The following TCTN1 variants were observed in gnomAD, a reference collection of about 807,000 sequenced individuals.
The protein encoded by TCTN1 is tectonic-1.
A neutral mutation model predicts 65.8 loss-of-function variants in TCTN1; 58 were observed. The observed-to-expected ratio is 0.88, with a 90% CI of 0.71 to 1.10. The LOEUF is 1.10. Ranked by LOEUF, TCTN1 falls within the 50% of genes least tolerant of loss-of-function variation. TCTN1 has a pLI of 0.00. For synonymous variants in TCTN1, 273 were observed against 289.1 expected (o/e 0.94, Z 0.57); for missense variants, 645 against 719.4 (o/e 0.90, Z 1.18).
intron 5 of TCTN1, 174 bp from the exon 6 acceptor site, chr12:110,634,496 G>C (rs767156103): frequency 3.2e-6 from 2 of 626,844 alleles, no homozygotes. Flanking sequence ...GGGCAACACG[G>C]TGAAACCTTG....
chr12:110,632,723 C>T (rs943404644), intron 5 of TCTN1, 164 bp downstream of exon 5: 13 of 688,674 alleles, frequency 1.9e-5, no homozygotes, highest in African/African-American at 1.1e-4. Context: ...AAACAGGCCT[C>T]GTAACTAAAA....
Position 110,642,251 on chromosome 12 carries a change from CTGGGATTA to C in TCTN1, c.1195_1202del (p.Gly399SerfsTer5). 6.2e-7 allele frequency: 1 copy of C among 1,614,152 alleles called. No individual in the cohort carries two copies. The highest frequency in any genetic ancestry group is 1.7e-4 in the Middle Eastern group (1 of 6,060). On this transcript the variant is annotated frameshift_variant, in exon 11 of 15. Transcript: ENST00000397659. LOFTEE classifies it high-confidence loss of function. ...TTGTCCCTTAACTGTCTGTGAATGT[CTGGGATTA>C]TTCAGACCACAAATAGATATGGACA...
At chr12:110,631,707 C>T (rs1214411682) in intron 4 of TCTN1, among the ~76,000 whole-genome samples, 3 of 152,192 alleles carry the variant, frequency 2.0e-5, no homozygotes, top group Non-Finnish European at 4.4e-5. Flanking sequence ...TCTTAACAGA[C>T]ATGTTTCCAG....
In TCTN1 at chr12:110,640,641, C is replaced by A; in HGVS notation, c.978+124C>A. 1 of 1,359,948 alleles carries A rather than the reference C, an allele frequency of 7.4e-7. No individual in the cohort carries two copies. Among genetic ancestry groups the A allele is most frequent in the Non-Finnish European group, 1.0e-6 (1 of 958,696 alleles). 84.2% of individuals were successfully genotyped at this position (1,359,948 alleles called of 1,614,324 possible). On this transcript the variant is annotated intron_variant, in intron 8 of 14. Transcript: ENST00000397659. The surrounding 1 kb of genome is among the most constrained non-coding windows in gnomAD (Gnocchi z 4.9). Reference sequence around the variant, plus strand: ...GCCCATGGTGTGGCTTTTCTTGGCTCAGCTGCCTGCTTGTCTTTCTGCTGT... The same window carrying A: ...GCCCATGGTGTGGCTTTTCTTGGCTAAGCTGCCTGCTTGTCTTTCTGCTGT...
At chr12:110,620,281 A>G (rs2065329908) in intron 2 of TCTN1, among the ~76,000 whole-genome samples, 1 of 151,896 alleles carries the variant, frequency 6.6e-6, no homozygotes, top group South Asian at 2.1e-4. Flanking sequence ...GTTGGCGGGC[A>G]CCTGTGGTCC....
chr12:110,638,119 G>A (rs571147316), intron 7 of TCTN1, among the ~76,000 whole-genome samples: 1 of 152,266 alleles, frequency 6.6e-6, no homozygotes, highest in Non-Finnish European at 1.5e-5. Context: ...TGGCTGCACA[G>A]CTGGGAAGTG....
chr12:110,648,483 G>A (rs1210286425), intron 14 of TCTN1, among the ~76,000 whole-genome samples: 4 of 152,108 alleles, frequency 2.6e-5, no homozygotes, highest in Non-Finnish European at 5.9e-5. Context: ...GAGGCAAGGG[G>A]GATTTGGCCA....
intron 14 of TCTN1, chr12:110,648,736 A>AGGCTG (rs2067591446): frequency 4.0e-6 from 1 of 249,168 alleles, no homozygotes; most frequent in African/African-American, 2.4e-5. Context: ...TCCGACTGGC[A>AGGCTG]GGCTGGTATG....
Position 110,614,221 on chromosome 12 carries a change from C to T in TCTN1, c.39C>T (p.Leu13=), listed in dbSNP as rs1466453220. 6.3e-7 allele frequency: 1 copy of T among 1,585,584 alleles called. No individual in the cohort carries two copies. Among genetic ancestry groups the T allele is most frequent in the Non-Finnish European group, 8.6e-7 (1 of 1,166,818 alleles). The part of the protein sequence containing the change: ...PRGLPPLLVV[L]LGCWASVSAQ... ...GTCTCCCGCCGCTCCTGGTGGTGCT[C>T]CTGGGCTGCTGGGCCTCCGTGAGCG... The change falls in exon 1 of 15, where the codon CTC becomes CTT. Residue 13 remains leucine (L), a synonymous_variant. Transcript: ENST00000397659.
At position 110,614,206 on chromosome 12, in the gene TCTN1, G is replaced by T; in HGVS notation, c.24G>T (p.Pro8=). 1 of 1,576,892 alleles carries T rather than the reference G, an allele frequency of 6.3e-7. No individual in the cohort carries two copies. Among genetic ancestry groups the T allele is most frequent in the Admixed American group, 1.8e-5 (1 of 54,212 alleles). ...AGATGAGGCCGCGAGGTCTCCCGCC[G>T]CTCCTGGTGGTGCTCCTGGGCTGCT... MRPRGLP[P]LLVVLLGCWA... is the part of the protein sequence containing the mutation. Residue 8 remains proline, a synonymous_variant, in exon 1 of 15, where the codon CCG becomes CCT. Coordinates refer to ENST00000397659, the MANE Select transcript of TCTN1 (RefSeq NM_001082538.3).
rs11830422 is a variant in TCTN1 at position 110,624,599 on chromosome 12, T to G, written c.342-1763T>G. On this transcript the variant is annotated intron_variant, in intron 2 of 14. Coordinates refer to ENST00000397659, the MANE Select transcript of TCTN1 (RefSeq NM_001082538.3). Reference sequence around the variant, plus strand: ...TCATAACTTCTTTTTTTTTTTTTTTTGGGAGAGAGAGTCTCACTCTGTCGC... The same window carrying G: ...TCATAACTTCTTTTTTTTTTTTTTTGGGGAGAGAGAGTCTCACTCTGTCGC... Among the ~76,000 whole-genome samples, 685 of 150,980 alleles carry G rather than the reference T, an allele frequency of 4.5e-3. 5 individuals carry two copies. Among genetic ancestry groups the G allele is most frequent in the African/African-American group, 0.012 (477 of 41,222 alleles).
intron 2 of TCTN1, among the ~76,000 whole-genome samples, chr12:110,621,461 C>G (rs538041906): frequency 3.9e-4 from 59 of 151,712 alleles, no homozygotes; most frequent in Non-Finnish European, 7.1e-4. Context: ...GACATTTTTG[C>G]TCCAACTTGG....
In TCTN1 at chr12:110,632,525, G is replaced by C; in HGVS notation, c.678G>C (p.Leu226=). The C allele has an allele frequency of 6.2e-7, 1 of 1,614,026 alleles. No individual in the cohort carries two copies. Among genetic ancestry groups the C allele is most frequent in the Non-Finnish European group, 8.5e-7 (1 of 1,179,950 alleles). ...CGTTTCTGAGATTTCCTTCGTCCCT[G>C]ACATCATCTCTGTGCACTGATAATA... ...SDSFLRFPSS[L]TSSLCTDNNP... is the part of the protein sequence containing the mutation. The change falls in exon 5 of 15, where the codon CTG becomes CTC. Residue 226 remains leucine, a synonymous_variant. Coordinates refer to ENST00000397659, the MANE Select transcript of TCTN1 (RefSeq NM_001082538.3).
At chr12:110,647,367 T>A (rs1160815679) in intron 13 of TCTN1, 31 bp downstream of exon 13, 1 of 1,613,730 alleles carries the variant, frequency 6.2e-7, no homozygotes, top group East Asian at 2.2e-5. Context: ...AGGCATAGGT[T>A]AAGACAGAAG....
At chr12:110,647,633 C>G (rs988742496) in intron 13 of TCTN1, 116 bp from the exon 14 acceptor site, 5 of 1,491,980 alleles carry the variant, frequency 3.4e-6, no homozygotes, top group Admixed American at 3.4e-5. Context: ...GCTCCAGGAC[C>G]TATCAGATTC....
intron 3 of TCTN1, 108 bp from the exon 4 acceptor site, chr12:110,628,659 T>A: frequency 9.9e-7 from 1 of 1,006,060 alleles, no homozygotes; most frequent in South Asian, 1.5e-5. Context: ...ATTTGTTTTT[T>A]ACATCAGCCT....
intron 1 of TCTN1, 116 bp downstream of exon 1, chr12:110,614,518 A>G: frequency 6.5e-7 from 1 of 1,527,500 alleles, no homozygotes; most frequent in Non-Finnish European, 8.8e-7. Flanking sequence ...GTGTGCAGAC[A>G]CTGCTGAGTG....
At chr12:110,633,352 C>T (rs1017916997) in intron 5 of TCTN1, among the ~76,000 whole-genome samples, 4 of 152,290 alleles carry the variant, frequency 2.6e-5, no homozygotes, top group African/African-American at 9.6e-5. Flanking sequence ...AAATTAAAAC[C>T]AAACCAAAGG....
chr12:110,618,073 CTT>C (rs1177692303), intron 1 of TCTN1, among the ~76,000 whole-genome samples: 33 of 134,876 alleles, frequency 2.4e-4, no homozygotes, highest in African/African-American at 3.6e-4. Context: ...GGCTTGAGAT[CTT>C]TTTTTTTTTT....
Sources: gnomAD v4.1 joint callset for allele counts (sites outside exome capture counted in the v4.1 genomes callset) on GRCh38, gnomAD v4.1.1 for gene constraint, Gnocchi (gnomAD v3.1) non-coding constraint, MANE v1.5 for transcripts, NCBI Gene and HGNC (gene_info 2026-07-23, HGNC 2026-07-21) for gene names.